Variants in KLHL29 observed in about 807,000 individuals in gnomAD.
The protein encoded by KLHL29 is kelch-like protein 29.
A neutral mutation model predicts 80.4 loss-of-function variants in KLHL29; 21 were observed. That is an observed-to-expected ratio of 0.26 (90% CI 0.19 to 0.38). KLHL29 has a LOEUF of 0.38. KLHL29 is among the 10% of genes least tolerant of loss of function. The pLI is 1.00. For missense variants in KLHL29, 867 were observed against 1,223.9 expected, an observed-to-expected ratio of 0.71 and a Z score of 4.35; for synonymous variants, 511 against 526.8, an observed-to-expected ratio of 0.97 and a Z score of 0.41.
intron 1 of KLHL29, among the ~76,000 whole-genome samples, chr2:23,469,328 C>T (rs1415904814): frequency 1.3e-5 from 2 of 152,228 alleles, no homozygotes; most frequent in African/African-American, 4.8e-5. Context: ...GCACCCACCG[C>T]AGTCCAACTT....
intron 5 of KLHL29, among the ~76,000 whole-genome samples, chr2:23,648,965 A>G (rs1670013171): frequency 6.6e-6 from 1 of 152,208 alleles, no homozygotes; most frequent in Non-Finnish European, 1.5e-5. Flanking sequence ...CCTCACAGAC[A>G]TGCTTTGAGG....
At chr2:23,426,583 C>T (rs993282610) in intron 1 of KLHL29, among the ~76,000 whole-genome samples, 11 of 152,364 alleles carry the variant, frequency 7.2e-5, no homozygotes, top group African/African-American at 2.2e-4. Context: ...TGCAAATAAA[C>T]GCCCAATCTG....
chr2:23,485,207 G>T (rs562361449), intron 2 of KLHL29, among the ~76,000 whole-genome samples: 59 of 152,172 alleles, frequency 3.9e-4, no homozygotes, highest in Non-Finnish European at 7.2e-4. Context: ...TGGCCCCTCA[G>T]CCCCACGTCC....
intron 1 of KLHL29, among the ~76,000 whole-genome samples, chr2:23,424,739 A>T (rs367741151): frequency 2.0e-5 from 3 of 152,218 alleles, no homozygotes; most frequent in African/African-American, 7.2e-5. Context: ...TTGATTAGAA[A>T]AAATTATTAC....
chr2:23,481,959 T>G (rs554632293), intron 2 of KLHL29, among the ~76,000 whole-genome samples: 29 of 151,194 alleles, frequency 1.9e-4, no homozygotes, highest in African/African-American at 6.5e-4. Context: ...GTGCTGAGAC[T>G]GGGCTGGGGG....
chr2:23,597,043 G>A (rs1297627433), intron 3 of KLHL29, among the ~76,000 whole-genome samples: 1 of 152,008 alleles, frequency 6.6e-6, no homozygotes, highest in South Asian at 2.1e-4. Flanking sequence ...TATATAGAGG[G>A]CTCTGCTTTT....
At chr2:23,639,399 C>T in intron 4 of KLHL29, 119 bp downstream of exon 4, 1 of 988,800 alleles carries the variant, frequency 1.0e-6, no homozygotes, top group Non-Finnish European at 1.5e-6. Context: ...TGCAGAAGCC[C>T]CCTCCTCAGG....
In KLHL29 at chr2:23,601,635, G is replaced by A. The variant is rs559328199; in HGVS notation, c.286-37504G>A. On this transcript the variant is annotated intron_variant, in intron 3 of 13. Transcript: ENST00000486442. ...CATCTTCTAGATTGCAAACATCAAC[G>A]TGTTCCTTTGCATGAGACCACTGGG... is the stretch of plus-strand genomic sequence containing the variant. Among the ~76,000 whole-genome samples, 15 of 152,290 alleles carry A rather than the reference G, an allele frequency of 9.8e-5. No individual in the cohort carries two copies. The East Asian group carries it at 1.4e-3, about 14-fold the overall frequency.
chr2:23,515,248 A>C (rs1414132121), intron 2 of KLHL29, among the ~76,000 whole-genome samples: 2 of 151,764 alleles, frequency 1.3e-5, no homozygotes, highest in Non-Finnish European at 2.9e-5. Context: ...ATCCCCCTGC[A>C]CCCTAGGACC....
intron 2 of KLHL29, among the ~76,000 whole-genome samples, chr2:23,504,853 A>G (rs1665554194): frequency 6.6e-6 from 1 of 152,160 alleles, no homozygotes; most frequent in South Asian, 2.1e-4. Context: ...CTGGCCGTTG[A>G]ATGTGCCCAG....
intron 1 of KLHL29, among the ~76,000 whole-genome samples, chr2:23,465,166 G>A (rs1664313545): frequency 1.3e-5 from 2 of 152,186 alleles, no homozygotes; most frequent in Admixed American, 1.3e-4. Context: ...TGGCAGGCAG[G>A]GTATGGCCCC....
At chr2:23,509,119 G>A (rs1462916191) in intron 2 of KLHL29, among the ~76,000 whole-genome samples, 2 of 152,240 alleles carry the variant, frequency 1.3e-5, no homozygotes, top group Non-Finnish European at 2.9e-5. Context: ...CGGAATGTGT[G>A]ATGGTGGGTG....
intron 5 of KLHL29, among the ~76,000 whole-genome samples, chr2:23,664,158 A>AT (rs1670493718): frequency 6.6e-6 from 1 of 152,234 alleles, no homozygotes; most frequent in African/African-American, 2.4e-5. Context: ...GCCACTTAAT[A>AT]GAGTTAATCA....
chr2:23,506,662 G>A (rs1558364426), intron 2 of KLHL29, among the ~76,000 whole-genome samples: 1 of 152,318 alleles, frequency 6.6e-6, no homozygotes, highest in Admixed American at 6.5e-5. Context: ...ACGGGGAGCA[G>A]CAGGGAACTC....
At position 23,703,223 on chromosome 2, in the gene KLHL29, C is replaced by G; in HGVS notation, c.2143C>G (p.Pro715Ala). 1 of 1,481,360 alleles carries G rather than the reference C, an allele frequency of 6.8e-7. No homozygotes were observed. Among genetic ancestry groups the G allele is most frequent in the Non-Finnish European group, 9.0e-7 (1 of 1,112,988 alleles). The allele number at this position is 1,481,360 out of a possible 1,614,324, so 91.8% of individuals were successfully genotyped here. A position where few individuals can be genotyped will look rare whatever the true frequency, so the allele number is the denominator to read the frequency against. ...TITNQWEAVA[P>A]LPKAVHSAAA... ...CACCAACCAATGGGAGGCGGTGGCCCCTCTGCCCAAGGCAGTACACTCTGC... is the reference window on the plus strand; with the variant it reads ...CACCAACCAATGGGAGGCGGTGGCCGCTCTGCCCAAGGCAGTACACTCTGC... Residue 715 changes from proline to alanine, a missense_variant, in exon 12 of 14, where the codon CCT becomes GCT. Pro to Ala is a conservative substitution (Grantham distance 27). Transcript: ENST00000486442.
chr2:23,706,499 C>T lies in KLHL29; in HGVS notation c.2463C>T (p.Gly821=). The T allele has an allele frequency of 6.5e-7, 1 of 1,530,850 alleles. No individual in the cohort carries two copies. Among genetic ancestry groups the T allele is most frequent in the Non-Finnish European group, 8.7e-7 (1 of 1,143,682 alleles). 94.8% of individuals were successfully genotyped at this position (1,530,850 alleles called of 1,614,324 possible). A position where few individuals can be genotyped will look rare whatever the true frequency, so the allele number is the denominator to read the frequency against. ...CCAACAGTGCTGTGGTGCTTGATGG[C>T]AAGATTTATGCAACTGGAGGTATTG... ...RQFCSAVVLD[G]KIYATGGIVS... Residue 821 remains glycine (G), a synonymous_variant, in exon 14 of 14, where the codon GGC becomes GGT. Coordinates refer to ENST00000486442, the MANE Select transcript of KLHL29 (RefSeq NM_052920.2).
intron 1 of KLHL29, among the ~76,000 whole-genome samples, chr2:23,459,913 G>T (rs1478999231): frequency 6.6e-6 from 1 of 152,234 alleles, no homozygotes; most frequent in Non-Finnish European, 1.5e-5. Context: ...AGGTGAGGAA[G>T]TTGACAGGAG....
At chr2:23,390,858 T>G (rs1324618134) in intron 1 of KLHL29, among the ~76,000 whole-genome samples, 1 of 152,116 alleles carries the variant, frequency 6.6e-6, no homozygotes, top group African/African-American at 2.4e-5. Flanking sequence ...TTCACCATGT[T>G]GGCCAGGCTG....
intron 2 of KLHL29, among the ~76,000 whole-genome samples, chr2:23,492,524 C>G (rs1053647337): frequency 2.3e-4 from 35 of 152,218 alleles, no homozygotes; most frequent in African/African-American, 7.5e-4. Context: ...CATTGGCTGG[C>G]AGCAACACAG....
Sources: allele counts gnomAD v4.1 joint callset (sites outside exome capture counted in the v4.1 genomes callset), GRCh38; gene constraint gnomAD v4.1.1; transcripts MANE v1.5; gene names NCBI Gene and HGNC (gene_info 2026-07-23, HGNC 2026-07-21).